The following SMCHD1 variants were observed in gnomAD, a reference collection of about 807,000 sequenced individuals.
SMCHD1 encodes structural maintenance of chromosomes flexible hinge domain-containing protein 1.
In SMCHD1, 78 loss-of-function variants were observed where a neutral mutation model predicts 254.7. The ratio of observed to expected loss-of-function variants is 0.31; its 90% CI spans 0.26 to 0.37. The LOEUF (loss-of-function observed/expected upper bound fraction) is 0.37. Among genes scored for constraint, SMCHD1 ranks in the 10% least tolerant of loss-of-function variants. The pLI, the probability that SMCHD1 is intolerant of heterozygous loss-of-function variation, is 1.00. For synonymous variants in SMCHD1, 766 were observed against 794.9 expected (o/e 0.96, Z 0.61); for missense variants, 1,840 against 2,408.1 (o/e 0.76, Z 4.94).
At chr18:2,789,557 A>ACCC (rs2076288040) in intron 45 of SMCHD1, among the ~76,000 whole-genome samples, 1 of 152,126 alleles carries the variant, frequency 6.6e-6, no homozygotes, top group African/African-American at 2.4e-5. Context: ...TCCTATACAG[A>ACCC]CTTAGGATGT....
intron 9 of SMCHD1, chr18:2,697,331 A>G (rs1361870765): frequency 5.3e-6 from 2 of 380,670 alleles, no homozygotes; most frequent in Non-Finnish European, 9.6e-6. Context: ...GGCTTGGTTT[A>G]TCTTTTTTTG....
intron 1 of SMCHD1, among the ~76,000 whole-genome samples, chr18:2,660,951 G>A (rs1309728578): frequency 6.6e-6 from 1 of 152,108 alleles, no homozygotes; most frequent in Non-Finnish European, 1.5e-5. Flanking sequence ...ATGATCAACT[G>A]GATAAAGATA....
intron 45 of SMCHD1, among the ~76,000 whole-genome samples, chr18:2,793,138 T>C (rs1174299458): frequency 1.3e-5 from 2 of 152,204 alleles, no homozygotes; most frequent in East Asian, 1.9e-4. Flanking sequence ...TACCTGTGCA[T>C]CTAACTGCAT....
At chr18:2,787,138 A>G (rs1214746333) in intron 45 of SMCHD1, among the ~76,000 whole-genome samples, 1 of 152,214 alleles carries the variant, frequency 6.6e-6, no homozygotes, top group Non-Finnish European at 1.5e-5. Flanking sequence ...CTATCACAGT[A>G]GATGAAGAGC....
chr18:2,771,922 A>G (rs1182491785), intron 40 of SMCHD1, among the ~76,000 whole-genome samples: 1 of 152,216 alleles, frequency 6.6e-6, no homozygotes, highest in East Asian at 1.9e-4. Context: ...AGAGAAAATA[A>G]AAAGCAATCT....
At chr18:2,657,939 T>C (rs1250963877) in intron 1 of SMCHD1, among the ~76,000 whole-genome samples, 1 of 151,776 alleles carries the variant, frequency 6.6e-6, no homozygotes, top group Admixed American at 6.6e-5. Flanking sequence ...AGCGCCACCA[T>C]GCCCAGCTAT....
chr18:2,692,188 C>T (rs1460020353), intron 7 of SMCHD1, among the ~76,000 whole-genome samples: 3 of 152,184 alleles, frequency 2.0e-5, no homozygotes, highest in East Asian at 3.9e-4. Flanking sequence ...CCAGTACACT[C>T]ATTTCCAGGT....
At chr18:2,772,101 T>G in intron 40 of SMCHD1, 149 bp from the exon 41 acceptor site, 1 of 560,624 alleles carries the variant, frequency 1.8e-6, no homozygotes, top group Non-Finnish European at 2.7e-6. Context: ...TGTGTGTGTA[T>G]TTTCTGATAG....
chr18:2,769,411 A>G (rs1568349320), intron 37 of SMCHD1, among the ~76,000 whole-genome samples: 1 of 152,182 alleles, frequency 6.6e-6, no homozygotes, highest in Non-Finnish European at 1.5e-5. Flanking sequence ...TGTGAAGGAA[A>G]TAACTTTTTC....
chr18:2,789,966 G>A (rs2076294163), intron 45 of SMCHD1, among the ~76,000 whole-genome samples: 2 of 152,166 alleles, frequency 1.3e-5, no homozygotes, highest in East Asian at 1.9e-4. Flanking sequence ...GGTGGATCAC[G>A]AGGTCAGGAG....
intron 37 of SMCHD1, among the ~76,000 whole-genome samples, chr18:2,764,929 T>C (rs907454421): frequency 1.3e-5 from 2 of 152,198 alleles, no homozygotes; most frequent in Non-Finnish European, 2.9e-5. Context: ...ATTTTAAGCC[T>C]TTTGGTAGTT....
At position 2,770,115 on chromosome 18, in the gene SMCHD1, C is replaced by T. The variant is rs1349731202; in HGVS notation, c.4966+7C>T. The T allele has an allele frequency of 6.3e-7, 1 of 1,597,714 alleles. No homozygotes were observed. Among genetic ancestry groups the T allele is most frequent in the East Asian group, 2.2e-5 (1 of 44,484 alleles). On this transcript the variant is annotated splice_region_variant and intron_variant, in intron 39 of 47. Transcript: ENST00000320876. ...CTTCTTAATGAAATGAAATGTAAGT[C>T]ATTTTGTATTCAAGACAAAAATTAT... is the stretch of plus-strand genomic sequence containing the variant.
At position 2,718,442 on chromosome 18, in the gene SMCHD1, A is replaced by G. The variant is rs898509405; in HGVS notation, c.2458+8A>G. 1.3e-6 allele frequency: 2 copies of G among 1,592,088 alleles called. No homozygotes were observed. Among genetic ancestry groups the G allele is most frequent in the African/African-American group, 2.7e-5 (2 of 73,796 alleles). ...TTAAGTTTTCTGTTAAAGGTAAGCA[A>G]AACAGTAATATATAATTATATATGC... On this transcript the variant is annotated splice_region_variant and intron_variant, in intron 19 of 47. Coordinates refer to ENST00000320876, the MANE Select transcript of SMCHD1 (RefSeq NM_015295.3). This position sits in a 1 kb window ranked among gnomAD's most constrained non-coding sequence, Gnocchi z 4.6.
chr18:2,724,124 ATTTAT>A (rs2074981141), intron 20 of SMCHD1, among the ~76,000 whole-genome samples: 2 of 148,038 alleles, frequency 1.4e-5, no homozygotes, highest in African/African-American at 2.5e-5. Context: ...TTCCCAGGGG[ATTTAT>A]TTTATCTTGT....
chr18:2,686,299 T>C (rs746866892), intron 5 of SMCHD1, among the ~76,000 whole-genome samples: 2 of 152,210 alleles, frequency 1.3e-5, no homozygotes, highest in Non-Finnish European at 2.9e-5. Flanking sequence ...GCTGGAACAT[T>C]TCAGATGTTG....
chr18:2,717,724 C>G (rs1034302050), intron 17 of SMCHD1, among the ~76,000 whole-genome samples: 4 of 152,112 alleles, frequency 2.6e-5, no homozygotes. Context: ...TTTTCTCTCT[C>G]TTTCTCCCTC....
At chr18:2,672,146 T>C (rs1390082725) in intron 3 of SMCHD1, among the ~76,000 whole-genome samples, 1 of 152,206 alleles carries the variant, frequency 6.6e-6, no homozygotes, top group African/African-American at 2.4e-5. Context: ...TGTGGTAACT[T>C]CTTTGCAATT....
intron 13 of SMCHD1, among the ~76,000 whole-genome samples, chr18:2,704,604 ATTT>A (rs141807133): frequency 3.6e-5 from 5 of 138,902 alleles, no homozygotes; most frequent in East Asian, 2.1e-4. Flanking sequence ...AGAGGAGAGG[ATTT>A]TTTTTTTTTT....
At chr18:2,778,327 C>T in intron 44 of SMCHD1, 88 bp downstream of exon 44, 3 of 882,000 alleles carry the variant, frequency 3.4e-6, no homozygotes, top group Non-Finnish European at 5.1e-6. Flanking sequence ...AACGACTAGC[C>T]TTTTCAAAAC....
Sources: gnomAD v4.1 joint callset for allele counts (sites outside exome capture counted in the v4.1 genomes callset) on GRCh38, gnomAD v4.1.1 for gene constraint, Gnocchi (gnomAD v3.1) non-coding constraint, MANE v1.5 for transcripts, NCBI Gene and HGNC (gene_info 2026-07-23, HGNC 2026-07-21) for gene names.